The following LPL variants were observed in gnomAD, a reference collection of about 807,000 sequenced individuals.
The protein encoded by LPL is phospholipase A1.
In LPL, 43 loss-of-function variants were observed where a neutral mutation model predicts 52.2. That is an observed-to-expected ratio of 0.82 (90% CI 0.64 to 1.06). The LOEUF is 1.06. Ranked by LOEUF, LPL falls within the 50% of genes least tolerant of loss-of-function variation. The probability of loss-of-function intolerance (pLI) is 0.00; values close to 1 mark genes in which losing one functional copy is unlikely to be tolerated. For synonymous variants in LPL, 244 were observed against 215.6 expected (o/e 1.13, Z -1.15); for missense variants, 639 against 585.3 (o/e 1.09, Z -0.95).
intron 3 of LPL, among the ~76,000 whole-genome samples, chr8:19,952,241 G>A (rs533253094): frequency 2.0e-5 from 3 of 152,266 alleles, no homozygotes; most frequent in East Asian, 1.9e-4. Flanking sequence ...TGTGATTTTC[G>A]GACAGAGGAA....
chr8:19,949,167 A>C (rs1248240139), intron 2 of LPL, among the ~76,000 whole-genome samples: 1 of 152,196 alleles, frequency 6.6e-6, no homozygotes, highest in African/African-American at 2.4e-5. Context: ...TGGCTTGTTA[A>C]AGATATATTA....
At position 19,951,750 on chromosome 8, in the gene LPL, CT is replaced by C. The variant is rs775770434; in HGVS notation, c.250-17del. ...GTGGTAGGTGGGTATTTTAAGAAAG[CT>C]TGTGTCATCATCTTCAGGTAACAGG... On this transcript the variant is annotated intron_variant, in intron 2 of 9. Transcript: ENST00000650287. 1.1e-4 allele frequency: 185 copies of C among 1,613,974 alleles called. No individual in the cohort carries two copies. Among genetic ancestry groups the C allele is most frequent in the Non-Finnish European group, 1.5e-4 (181 of 1,179,868 alleles).
rs895554299 is a variant in LPL, at chr8:19,965,898, G to A, written c.*588G>A. 1 of 152,542 alleles carries A rather than the reference G, an allele frequency of 6.6e-6. No individual in the cohort carries two copies. The highest frequency in any genetic ancestry group is 1.5e-5 in the Non-Finnish European group (1 of 68,344). The allele number at this position is 152,542 out of a possible 1,614,324, so 9.4% of individuals were successfully genotyped here. ...ACGAAGAAAGGGTCTGATAAACACA[G>A]AGGTTTTAAACAGTCCCTACCATTG... On this transcript the variant is annotated 3_prime_UTR_variant, in exon 10 of 10. Transcript: ENST00000650287.
chr8:19,963,590 G>A (rs2070059336), intron 9 of LPL, among the ~76,000 whole-genome samples: 1 of 152,012 alleles, frequency 6.6e-6, no homozygotes. Context: ...AAATCACTGT[G>A]ACCATATCAC....
Position 19,965,374 on chromosome 8 carries a change from G to C in LPL, c.*64G>C. On this transcript the variant is annotated 3_prime_UTR_variant, in exon 10 of 10. Coordinates refer to ENST00000650287, the MANE Select transcript of LPL (RefSeq NM_000237.3). ...TTCTGTGAAGAATGAAGTGGAGGAA[G>C]TAACTTTTACAAAACATACCCAGTG... The C allele has an allele frequency of 1.3e-6, 1 of 779,832 alleles. No individual in the cohort carries two copies. The allele number at this position is 779,832 out of a possible 1,614,324, so 48.3% of individuals were successfully genotyped here. A position where few individuals can be genotyped will look rare whatever the true frequency, so the allele number is the denominator to read the frequency against.
At chr8:19,949,287 G>A (rs1039373903) in intron 2 of LPL, among the ~76,000 whole-genome samples, 1 of 152,066 alleles carries the variant, frequency 6.6e-6, no homozygotes, top group Admixed American at 6.6e-5. Flanking sequence ...TAATTTAAGT[G>A]GCTTTGTTAT....
chr8:19,947,703 C>G (rs1007401448), intron 1 of LPL, among the ~76,000 whole-genome samples: 1 of 135,496 alleles, frequency 7.4e-6, no homozygotes, highest in African/African-American at 2.7e-5. Flanking sequence ...CTATAGCACA[C>G]AAGAGCCATG....
chr8:19,955,853 T>C lies in LPL; in HGVS notation c.788T>C (p.Leu263Pro). The change falls in exon 6 of 10, where the codon CTA becomes CCA. Residue 263 changes from leucine (L) to proline (P), a missense_variant. Coordinates refer to ENST00000650287, the MANE Select transcript of LPL (RefSeq NM_000237.3). ...CTTTTTTACCCAGATGTGGACCAGC[T>C]AGTGAAGTGCTCCCACGAGCGCTCC... is the stretch of plus-strand genomic sequence containing the variant. ...AERGLGDVDQLVKCSHERSIH... is the reference protein window; with the variant it reads ...AERGLGDVDQPVKCSHERSIH... The C allele has an allele frequency of 6.2e-7, 1 of 1,614,200 alleles. No homozygotes were observed. Among genetic ancestry groups the C allele is most frequent in the Non-Finnish European group, 8.5e-7 (1 of 1,180,038 alleles).
intron 2 of LPL, 138 bp from the exon 3 acceptor site, chr8:19,951,631 G>A: frequency 1.1e-6 from 1 of 945,102 alleles, no homozygotes; most frequent in Non-Finnish European, 1.7e-6. Flanking sequence ...ACACTGTTCT[G>A]TTATTTGATT....
At chr8:19,961,805 G>C (rs2070041476) in intron 8 of LPL, among the ~76,000 whole-genome samples, 1 of 152,254 alleles carries the variant, frequency 6.6e-6, no homozygotes, top group South Asian at 2.1e-4. Flanking sequence ...CCTTAATGCA[G>C]ATGCTAAGAG....
At chr8:19,961,893 T>C (rs2070042159) in intron 8 of LPL, among the ~76,000 whole-genome samples, 1 of 152,180 alleles carries the variant, frequency 6.6e-6, no homozygotes, top group African/African-American at 2.4e-5. Context: ...TGCATGCCTG[T>C]CTATCTAAAT....
At chr8:19,942,871 T>C (rs1490355422) in intron 1 of LPL, among the ~76,000 whole-genome samples, 1 of 152,196 alleles carries the variant, frequency 6.6e-6, no homozygotes, top group African/African-American at 2.4e-5. Context: ...TTAGGTGCTA[T>C]ATATATATGT....
chr8:19,957,988 T>TTTTATTTATTTATTTA (rs10634207), intron 6 of LPL, among the ~76,000 whole-genome samples: 1 of 140,808 alleles, frequency 7.1e-6, no homozygotes, highest in African/African-American at 2.6e-5. Flanking sequence ...CCAAGAATTA[T>TTTTATTTATTTATTTA]TTTATTTATT....
At chr8:19,945,825 C>T (rs1276909466) in intron 1 of LPL, among the ~76,000 whole-genome samples, 2 of 152,052 alleles carry the variant, frequency 1.3e-5, no homozygotes, top group African/African-American at 2.4e-5. Context: ...AGGTGGTAAG[C>T]GAGATCTGTC....
intron 6 of LPL, among the ~76,000 whole-genome samples, chr8:19,958,398 C>A (rs777167672): frequency 7.2e-5 from 11 of 152,012 alleles, no homozygotes; most frequent in Non-Finnish European, 1.6e-4. Context: ...TCTCCCCAGG[C>A]CCATTTGCTC....
intron 1 of LPL, among the ~76,000 whole-genome samples, chr8:19,942,713 T>G (rs1427726675): frequency 6.6e-6 from 1 of 151,954 alleles, no homozygotes; most frequent in African/African-American, 2.4e-5. Flanking sequence ...AGGCTAAGAG[T>G]TTGAAATTTA....
rs1375060412 is a variant in LPL at position 19,939,714 on chromosome 8, C to T, written c.88+186C>T. Among the ~76,000 whole-genome samples the T allele has an allele frequency of 6.6e-6, 1 of 152,228 alleles. No homozygotes were observed. The highest frequency in any genetic ancestry group is 2.4e-5 in the African/African-American group (1 of 41,474). ...CCAGGAGGGGCCGGGAGGGAATCTCCTCCCGATCGTGAAGCGGCGGCGCCC... is the reference window on the plus strand; with the variant it reads ...CCAGGAGGGGCCGGGAGGGAATCTCTTCCCGATCGTGAAGCGGCGGCGCCC... On this transcript the variant is annotated intron_variant, in intron 1 of 9. Transcript: ENST00000650287. This position sits in a 1 kb window ranked among gnomAD's most constrained non-coding sequence, Gnocchi z 4.0.
chr8:19,941,338 T>A (rs567757398), intron 1 of LPL, among the ~76,000 whole-genome samples: 1 of 152,320 alleles, frequency 6.6e-6, no homozygotes, highest in South Asian at 2.1e-4. Context: ...TAACGTCATT[T>A]TCATTGCAAA....
chr8:19,941,495 G>A (rs192170805), intron 1 of LPL, among the ~76,000 whole-genome samples: 1 of 152,332 alleles, frequency 6.6e-6, no homozygotes, highest in East Asian at 1.9e-4. Flanking sequence ...AATGTTCTCT[G>A]AGCCTGGTGT....
Sources: gnomAD v4.1 joint callset for allele counts (sites outside exome capture counted in the v4.1 genomes callset) on GRCh38, gnomAD v4.1.1 for gene constraint, Gnocchi (gnomAD v3.1) non-coding constraint, MANE v1.5 for transcripts, NCBI Gene and HGNC (gene_info 2026-07-23, HGNC 2026-07-21) for gene names.